MYO5C: variants seen among roughly 807,000 people sequenced by gnomAD.
MYO5C encodes the protein unconventional myosin-Vc.
Under a neutral mutation model 235.7 loss-of-function variants are expected in MYO5C, and 194 were observed. That is an observed-to-expected ratio of 0.82 (90% confidence interval 0.73 to 0.93). The LOEUF is 0.93. Among genes scored for constraint, MYO5C ranks in the 40% least tolerant of loss-of-function variants. MYO5C has a pLI of 0.00. For missense variants in MYO5C, 2,038 were observed against 2,127.2 expected, an observed-to-expected ratio of 0.96 and a Z score of 0.82; for synonymous variants, 707 against 754.8, an observed-to-expected ratio of 0.94 and a Z score of 1.04.
chr15:52,281,177 C>G, intron 2 of MYO5C, among the ~76,000 whole-genome samples: 1 of 152,154 alleles, frequency 6.6e-6, no homozygotes, highest in East Asian at 1.9e-4. Flanking sequence ...GTGAAAGCAA[C>G]AGGGAGACAG....
intron 20 of MYO5C, among the ~76,000 whole-genome samples, chr15:52,241,144 T>C (rs952158229): frequency 6.6e-6 from 1 of 152,200 alleles, no homozygotes; most frequent in Admixed American, 6.5e-5. Flanking sequence ...AGAAAACTTG[T>C]TCAATTTTAT....
chr15:52,260,837 A>G, intron 10 of MYO5C, 25 bp downstream of exon 10: 1 of 1,610,684 alleles, frequency 6.2e-7, no homozygotes, highest in Non-Finnish European at 8.5e-7. Context: ...AGGAGGAAAG[A>G]CAGGCTCACT....
chr15:52,235,637 T>C (rs1353174872), intron 23 of MYO5C, 33 bp downstream of exon 23: 3 of 1,530,562 alleles, frequency 2.0e-6, no homozygotes, highest in Admixed American at 3.5e-5. Context: ...ACTAAATCAG[T>C]GAATGTCTGG....
rs190082213 is a variant in MYO5C at position 52,273,665 on chromosome 15, C to T, written c.607-942G>A. Among the ~76,000 whole-genome samples the T allele has an allele frequency of 3.7e-3, 566 of 152,210 alleles. 3 individuals are homozygous for T. The highest frequency in any genetic ancestry group is 5.9e-3 in the Non-Finnish European group (400 of 68,004). The stretch of plus-strand genomic sequence containing the variant: ...TCTAGAACCTGACCCCTGCTAGCCC[C>T]CTGATCTTGGACTTCCAGCCTCCAG... On this transcript the variant is annotated intron_variant, in intron 5 of 40. Coordinates refer to ENST00000261839, the MANE Select transcript of MYO5C (RefSeq NM_018728.4).
intron 25 of MYO5C, among the ~76,000 whole-genome samples, chr15:52,227,351 C>T (rs532923486): frequency 6.9e-6 from 1 of 144,250 alleles, no homozygotes; most frequent in East Asian, 2.6e-4. Context: ...TGTGCTACCT[C>T]GCCCGGCTAA....
chr15:52,226,089 A>G (rs2035815794), intron 25 of MYO5C, among the ~76,000 whole-genome samples: 2 of 151,122 alleles, frequency 1.3e-5, no homozygotes, highest in African/African-American at 4.9e-5. Context: ...ACATAAAGAA[A>G]AAAAAATACC....
intron 8 of MYO5C, among the ~76,000 whole-genome samples, chr15:52,265,032 C>T (rs529145925): frequency 6.6e-6 from 1 of 152,254 alleles, no homozygotes; most frequent in East Asian, 1.9e-4. Flanking sequence ...TGCCCACTGC[C>T]CCTTGTATTA....
chr15:52,288,302 C>T (rs1420467141), intron 1 of MYO5C, among the ~76,000 whole-genome samples: 1 of 152,200 alleles, frequency 6.6e-6, no homozygotes, highest in East Asian at 1.9e-4. Flanking sequence ...CTCTGAACTG[C>T]AACCATCTAC....
intron 34 of MYO5C, among the ~76,000 whole-genome samples, chr15:52,212,310 C>T (rs2278296): frequency 0.64 from 96,818 of 151,980 alleles, 35,641 homozygotes; most frequent in Non-Finnish European, 0.83. Flanking sequence ...GCAGAGGATG[C>T]CTGGCTGGCC....
At position 52,232,769 on chromosome 15, in the gene MYO5C, G is replaced by C. The variant is rs185644020; in HGVS notation, c.2963-84C>G. The C allele has an allele frequency of 1.3e-4, 151 of 1,186,538 alleles. No individual in the cohort carries two copies. In the African/African-American group the frequency reaches 2.1e-3, roughly 16 times the overall value. The allele number at this position is 1,186,538 out of a possible 1,614,324, so 73.5% of individuals were successfully genotyped here. On this transcript the variant is annotated intron_variant, in intron 23 of 40. Coordinates refer to ENST00000261839, the MANE Select transcript of MYO5C (RefSeq NM_018728.4). ...ATGTTATGTTTAAGAAAGTGAGAAT[G>C]TCAGGACAATCATGTGATGTTTATT...
intron 1 of MYO5C, among the ~76,000 whole-genome samples, chr15:52,284,510 T>A (rs1355289685): frequency 1.3e-5 from 2 of 152,188 alleles, no homozygotes; most frequent in South Asian, 2.1e-4. Flanking sequence ...ACATTCTGTA[T>A]CTTGATGGGG....
intron 7 of MYO5C, among the ~76,000 whole-genome samples, chr15:52,270,201 G>C (rs1012980534): frequency 6.6e-6 from 1 of 152,192 alleles, no homozygotes; most frequent in Non-Finnish European, 1.5e-5. Flanking sequence ...AGGATCACTT[G>C]AGCCCAGGAG....
chr15:52,271,530 A>C (rs1305710269), intron 7 of MYO5C, among the ~76,000 whole-genome samples: 2 of 152,020 alleles, frequency 1.3e-5, no homozygotes, highest in Non-Finnish European at 2.9e-5. Flanking sequence ...CGCCAGGCCC[A>C]ATGAGCTTTA....
intron 9 of MYO5C, among the ~76,000 whole-genome samples, chr15:52,263,536 C>A (rs1166930983): frequency 6.6e-6 from 1 of 152,030 alleles, no homozygotes; most frequent in Non-Finnish European, 1.5e-5. Context: ...GGTCTGCAAT[C>A]CCCCTCCCCT....
At chr15:52,194,214 C>T (rs1319622654) in intron 40 of MYO5C, among the ~76,000 whole-genome samples, 160 bp from the exon 41 acceptor site, 3 of 152,180 alleles carry the variant, frequency 2.0e-5, no homozygotes, top group Non-Finnish European at 4.4e-5. Flanking sequence ...CAGCACAATT[C>T]CAAAGTCTAT....
rs1471990163 is a variant in MYO5C, at chr15:52,256,652, T to C, written c.1382A>G (p.Gln461Arg). The C allele has an allele frequency of 2.5e-6, 4 of 1,605,752 alleles. No individual in the cohort carries two copies. Among genetic ancestry groups the C allele is most frequent in the Non-Finnish European group, 3.4e-6 (4 of 1,177,684 alleles). ...CINYANEKLQ[Q>R]QFNMHVFKLE... ...AAGGTCACCTACCATGTTAAACTGTTGTTGCAGTTTTTCATTAGCGTAATT... is the reference window on the plus strand; with the variant it reads ...AAGGTCACCTACCATGTTAAACTGTCGTTGCAGTTTTTCATTAGCGTAATT... The change falls in exon 11 of 41, where the codon CAA becomes CGA. Residue 461 changes from glutamine (Q) to arginine (R), a missense_variant. Transcript: ENST00000261839.
chr15:52,198,333 CAAAAT>C (rs1164200576), intron 38 of MYO5C, among the ~76,000 whole-genome samples: 1 of 152,136 alleles, frequency 6.6e-6, no homozygotes, highest in Non-Finnish European at 1.5e-5. Context: ...GAGACTTTCT[CAAAAT>C]AAAGAAAATC....
At chr15:52,248,583 A>G (rs2036403012) in intron 14 of MYO5C, 117 bp downstream of exon 14, 1 of 679,560 alleles carries the variant, frequency 1.5e-6, no homozygotes, top group African/African-American at 1.8e-5. Flanking sequence ...CTGTCCAGAG[A>G]GTTCACACAC....
chr15:52,229,015 G>A, intron 25 of MYO5C, 118 bp downstream of exon 25: 1 of 1,153,030 alleles, frequency 8.7e-7, no homozygotes. Context: ...GAAGGAATCA[G>A]GCTCCAGTTG....
Sources: gnomAD v4.1 joint callset for allele counts (sites outside exome capture counted in the v4.1 genomes callset) on GRCh38, gnomAD v4.1.1 for gene constraint, MANE v1.5 for transcripts, NCBI Gene and HGNC (gene_info 2026-07-23, HGNC 2026-07-21) for gene names.